CHST8: variants seen among roughly 807,000 people sequenced by gnomAD.
CHST8 encodes GALNAC-4-ST1.
A neutral mutation model predicts 15.0 loss-of-function variants in CHST8; 10 were observed. The observed-to-expected ratio is 0.67, with a 90% confidence interval of 0.41 to 1.13. CHST8 has a LOEUF of 1.13. CHST8 is among the 50% of genes most tolerant of loss of function. The pLI, the probability that CHST8 is intolerant of heterozygous loss-of-function variation, is 0.00. For missense variants in CHST8, 634 were observed against 608.2 expected, an observed-to-expected ratio of 1.04 and a Z score of -0.45; for synonymous variants, 259 against 256.6, an observed-to-expected ratio of 1.01 and a Z score of -0.09.
intron 2 of CHST8, among the ~76,000 whole-genome samples, chr19:33,676,709 CTA>C (rs947625381): frequency 6.6e-6 from 1 of 151,454 alleles, no homozygotes. Context: ...GACCCCATCT[CTA>C]TAAAAATTTT....
chr19:33,638,790 AC>A (rs1972240202), intron 1 of CHST8, among the ~76,000 whole-genome samples: 1 of 152,026 alleles, frequency 6.6e-6, no homozygotes. Context: ...TCTCCAAGTG[AC>A]CTTGGAACCT....
At chr19:33,771,814 G>C (rs900203461) in intron 4 of CHST8, 143 bp from the exon 5 acceptor site, 18 of 998,476 alleles carry the variant, frequency 1.8e-5, no homozygotes, top group African/African-American at 3.3e-5. Flanking sequence ...GGCTCAGACC[G>C]GAGGGGTCTC....
chr19:33,642,285 C>T (rs1239735577), intron 1 of CHST8, among the ~76,000 whole-genome samples: 2 of 151,480 alleles, frequency 1.3e-5, no homozygotes, highest in Non-Finnish European at 2.9e-5. Context: ...GATGAGTGGG[C>T]AGCAGAGGGC....
intron 1 of CHST8, among the ~76,000 whole-genome samples, chr19:33,658,469 A>G (rs926356376): frequency 1.3e-5 from 2 of 152,218 alleles, no homozygotes; most frequent in African/African-American, 4.8e-5. Flanking sequence ...ATCCTTTAAA[A>G]TTCAATTTCA....
intron 1 of CHST8, among the ~76,000 whole-genome samples, chr19:33,627,788 A>G (rs1414462589): frequency 1.3e-5 from 2 of 152,118 alleles, no homozygotes; most frequent in Non-Finnish European, 2.9e-5. Flanking sequence ...CTGCATGTTT[A>G]TGGAGCAGGT....
rs767511543 is a variant in CHST8, at chr19:33,771,422, T to G, written c.140T>G (p.Phe47Cys). The stretch of plus-strand genomic sequence containing the variant: ...TCTGTTTGCTTTTCAGGAATAAAGT[T>G]CAACATCAGGCCAAGGCAGCCCCAC... Reference protein sequence around the residue: ...LAPQQVPGIKFNIRPRQPHHD... With the variant: ...LAPQQVPGIKCNIRPRQPHHD... Residue 47 changes from phenylalanine (F) to cysteine (C), a missense_variant, in exon 4 of 5, where the codon TTC becomes TGC. By Grantham distance (205) the Phe-to-Cys change is radical. Coordinates refer to ENST00000650847, the MANE Select transcript of CHST8 (RefSeq NM_001127895.2). 37 of 1,613,990 alleles carry G rather than the reference T, an allele frequency of 2.3e-5. No individual in the cohort carries two copies. Among genetic ancestry groups the G allele is most frequent in the Non-Finnish European group, 3.1e-5 (36 of 1,180,014 alleles).
At chr19:33,730,370 A>G (rs1299285604) in intron 3 of CHST8, among the ~76,000 whole-genome samples, 3 of 152,214 alleles carry the variant, frequency 2.0e-5, no homozygotes, top group Admixed American at 2.0e-4. Flanking sequence ...TGTACAATAG[A>G]TGTAAGGTTA....
At chr19:33,648,768 A>G (rs1308565642) in intron 1 of CHST8, among the ~76,000 whole-genome samples, 2 of 152,202 alleles carry the variant, frequency 1.3e-5, no homozygotes, top group Non-Finnish European at 2.9e-5. Context: ...ATGTGTACAC[A>G]GCAGCTTTAT....
intron 3 of CHST8, among the ~76,000 whole-genome samples, chr19:33,756,036 C>T (rs1411953496): frequency 2.0e-5 from 3 of 152,182 alleles, no homozygotes; most frequent in Non-Finnish European, 4.4e-5. Context: ...CACCGGCTTC[C>T]AGTTCCCTGC....
intron 3 of CHST8, among the ~76,000 whole-genome samples, chr19:33,736,991 A>G (rs1014492878): frequency 1.3e-5 from 2 of 152,132 alleles, no homozygotes; most frequent in African/African-American, 4.8e-5. Context: ...GCTAATTATA[A>G]TACATTAGCA....
intron 3 of CHST8, among the ~76,000 whole-genome samples, chr19:33,708,470 A>G (rs557217107): frequency 7.5e-4 from 114 of 152,330 alleles, no homozygotes; most frequent in African/African-American, 2.7e-3. Context: ...AGTTCCCAGC[A>G]CGTGCTGAAG....
chr19:33,709,563 G>A (rs1408114439), intron 3 of CHST8, among the ~76,000 whole-genome samples: 1 of 151,128 alleles, frequency 6.6e-6, no homozygotes, highest in African/African-American at 2.4e-5. Flanking sequence ...ATCTCACTTG[G>A]TCATGGTGTA....
rs113168077 is a variant in CHST8 at position 33,742,359 on chromosome 19, A to G, written c.131-29054A>G. Among the ~76,000 whole-genome samples the G allele has an allele frequency of 5.3e-5, 8 of 152,334 alleles. 1 individual carries two copies. Among genetic ancestry groups the G allele is most frequent in the African/African-American group, 1.9e-4 (8 of 41,574 alleles). ...ATTCTGCAGGCTGTACAAGCGTGGCACCAACATCTGCTCAGCCTCAGGAAG... is the reference window on the plus strand; with the variant it reads ...ATTCTGCAGGCTGTACAAGCGTGGCGCCAACATCTGCTCAGCCTCAGGAAG... On this transcript the variant is annotated intron_variant, in intron 3 of 4. Transcript: ENST00000650847.
chr19:33,760,446 C>T (rs1291476123), intron 3 of CHST8, among the ~76,000 whole-genome samples: 2 of 151,574 alleles, frequency 1.3e-5, no homozygotes, highest in East Asian at 1.9e-4. Flanking sequence ...GCCTTCTGAG[C>T]AGCTGGGACT....
At chr19:33,678,139 G>A (rs1972834493) in intron 2 of CHST8, among the ~76,000 whole-genome samples, 1 of 152,098 alleles carries the variant, frequency 6.6e-6, no homozygotes, top group Non-Finnish European at 1.5e-5. Flanking sequence ...AACACTCTGT[G>A]GGGAAAAAGA....
intron 3 of CHST8, among the ~76,000 whole-genome samples, chr19:33,735,776 G>A (rs1974072001): frequency 6.6e-6 from 1 of 152,216 alleles, no homozygotes; most frequent in African/African-American, 2.4e-5. Flanking sequence ...GCAGTGAGCC[G>A]AGATCGCGCC....
intron 1 of CHST8, among the ~76,000 whole-genome samples, chr19:33,630,172 C>G (rs1262901227): frequency 6.6e-6 from 1 of 152,210 alleles, no homozygotes; most frequent in African/African-American, 2.4e-5. Flanking sequence ...ATCCAGGCAC[C>G]CAGCAAACAC....
At chr19:33,699,221 C>T (rs946636538) in intron 3 of CHST8, among the ~76,000 whole-genome samples, 2 of 152,086 alleles carry the variant, frequency 1.3e-5, no homozygotes, top group African/African-American at 4.8e-5. Flanking sequence ...TGTACCGAGG[C>T]AGGGGAGGGG....
intron 1 of CHST8, among the ~76,000 whole-genome samples, chr19:33,628,851 G>A (rs986529863): frequency 6.6e-6 from 1 of 152,146 alleles, no homozygotes; most frequent in African/African-American, 2.4e-5. Flanking sequence ...TTACCCATGG[G>A]ACGCTATTGG....
Sources: allele counts gnomAD v4.1 joint callset (sites outside exome capture counted in the v4.1 genomes callset), GRCh38; gene constraint gnomAD v4.1.1; transcripts MANE v1.5; gene names NCBI Gene and HGNC (gene_info 2026-07-23, HGNC 2026-07-21).